TVP23C: variants seen among roughly 807,000 people sequenced by gnomAD.
The protein encoded by TVP23C is Golgi apparatus membrane protein TVP23 homolog C.
Under a neutral mutation model 28.7 loss-of-function variants are expected in TVP23C, and 19 were observed. The observed-to-expected ratio is 0.66, with a 90% CI of 0.46 to 0.97. The LOEUF (loss-of-function observed/expected upper bound fraction) is 0.97. Ranked by LOEUF, TVP23C falls within the 50% of genes least tolerant of loss-of-function variation. The pLI, the probability that TVP23C is intolerant of heterozygous loss-of-function variation, is 0.00. For missense variants in TVP23C, 186 were observed against 241.3 expected (o/e 0.77, Z 1.52); for synonymous variants, 68 against 81.7 (o/e 0.83, Z 0.90).
chr17:15,515,493 G>A (rs1982186939), intron 5 of TVP23C, among the ~76,000 whole-genome samples: 1 of 152,162 alleles, frequency 6.6e-6, no homozygotes, highest in Non-Finnish European at 1.5e-5. Context: ...GCCCAGTTGG[G>A]AGCCTGAGAC....
chr17:15,523,804 G>A (rs927073936), intron 5 of TVP23C, among the ~76,000 whole-genome samples: 25 of 152,024 alleles, frequency 1.6e-4, no homozygotes, highest in African/African-American at 5.5e-4. Flanking sequence ...TAGTAGAGAC[G>A]GGGATTCACC....
At position 15,524,358 on chromosome 17, in the gene TVP23C, A is replaced by T. The variant is rs533521093; in HGVS notation, c.463-21126T>A. Among the ~76,000 whole-genome samples, 11 of 152,252 alleles carry T rather than the reference A, an allele frequency of 7.2e-5. No individual in the cohort carries two copies. In the East Asian group the frequency reaches 2.1e-3, roughly 29 times the overall value. ...ATTAAACAGCCATTGAGCATCTGTC[A>T]CAGATCCAGCTCTGTTCTAGGTACT... On this transcript the variant is annotated intron_variant, in intron 5 of 5. Coordinates refer to the TVP23C transcript ENST00000225576.
At position 15,538,344 on chromosome 17, in the gene TVP23C, A is replaced by C; in HGVS notation, c.*2068T>G. Reference sequence around the variant, plus strand: ...CGTGGCTTACACCTGTAATCCCAGCACTTTGGGAGGCCGAGGAGGGTGGAT... The same window carrying C: ...CGTGGCTTACACCTGTAATCCCAGCCCTTTGGGAGGCCGAGGAGGGTGGAT... On this transcript the variant is annotated 3_prime_UTR_variant, in exon 6 of 6. Transcript: ENST00000518321. 5 of 912,952 alleles carry C rather than the reference A, an allele frequency of 5.5e-6. No homozygotes were observed. Among genetic ancestry groups the C allele is most frequent in the Non-Finnish European group, 6.5e-6 (5 of 764,228 alleles). The allele number at this position is 912,952 out of a possible 1,614,324, so 56.6% of individuals were successfully genotyped here.
At chr17:15,524,063 G>GGGGTGTGTGTGTGT (rs1216462843) in intron 5 of TVP23C, among the ~76,000 whole-genome samples, 2 of 136,350 alleles carry the variant, frequency 1.5e-5, no homozygotes, top group African/African-American at 5.6e-5. Context: ...AGCAGAGTGG[G>GGGGTGTGTGTGTGT]GTGTGTGTGT....
Position 15,537,652 on chromosome 17 carries a change from C to T in TVP23C, c.*2760G>A. The T allele has an allele frequency of 1.0e-6, 1 of 985,384 alleles. No individual in the cohort carries two copies. Among genetic ancestry groups the T allele is most frequent in the Non-Finnish European group, 1.2e-6 (1 of 829,768 alleles). 61.0% of individuals were successfully genotyped at this position (985,384 alleles called of 1,614,324 possible). On this transcript the variant is annotated 3_prime_UTR_variant, in exon 6 of 6. Coordinates refer to ENST00000518321, the MANE Select transcript of TVP23C (RefSeq NM_001135036.2). ...ATTAAAAACTAACAATTATTTCTAA[C>T]TTATACATAAGCCAAAGTGCTCACT...
At chr17:15,503,267 T>TCTAC (rs1316413491) in intron 5 of TVP23C, 1 of 1,451,472 alleles carries the variant, frequency 6.9e-7, no homozygotes, top group Non-Finnish European at 9.0e-7. Context: ...ATTAGCCAGG[T>TCTAC]GTAGTGGCGC....
chr17:15,542,546 A>G (rs770447572), intron 5 of TVP23C, among the ~76,000 whole-genome samples: 5 of 152,014 alleles, frequency 3.3e-5, no homozygotes, highest in Admixed American at 6.6e-5. Flanking sequence ...GCACGATCTC[A>G]GCTCACTGCA....
Position 15,537,958 on chromosome 17 carries a change from G to A in TVP23C, c.*2454C>T. ...CTTTCTAGCCCCAACTGCTGGAAAG[G>A]AAATAAAAACTTAATATGAAAACTA... On this transcript the variant is annotated 3_prime_UTR_variant, in exon 6 of 6. Coordinates refer to ENST00000518321, the MANE Select transcript of TVP23C (RefSeq NM_001135036.2). 1 of 1,451,698 alleles carries A rather than the reference G, an allele frequency of 6.9e-7. No homozygotes were observed. Among genetic ancestry groups the A allele is most frequent in the Non-Finnish European group, 9.1e-7 (1 of 1,104,030 alleles). The allele number at this position is 1,451,698 out of a possible 1,614,324, so 89.9% of individuals were successfully genotyped here. A position where few individuals can be genotyped will look rare whatever the true frequency, so the allele number is the denominator to read the frequency against.
intron 5 of TVP23C, among the ~76,000 whole-genome samples, chr17:15,526,487 A>G (rs2938174): frequency 9.2e-5 from 14 of 152,224 alleles, no homozygotes; most frequent in Non-Finnish European, 1.5e-4. Flanking sequence ...CTGTGTCTAC[A>G]GTACCTGTCT....
At chr17:15,523,997 ACTG>A (rs1982603888) in intron 5 of TVP23C, among the ~76,000 whole-genome samples, 1 of 152,000 alleles carries the variant, frequency 6.6e-6, no homozygotes, top group South Asian at 2.1e-4. Context: ...ACTACAAAAC[ACTG>A]CTGAAGAGAG....
intron 5 of TVP23C, among the ~76,000 whole-genome samples, chr17:15,526,786 A>C (rs1161263489): frequency 6.6e-6 from 1 of 152,242 alleles, no homozygotes; most frequent in Non-Finnish European, 1.5e-5. Flanking sequence ...ATCCTAGAAG[A>C]AATGTTTAAA....
At chr17:15,560,521 TG>T (rs1268996793) in intron 1 of TVP23C, among the ~76,000 whole-genome samples, 1 of 149,506 alleles carries the variant, frequency 6.7e-6, no homozygotes, top group East Asian at 1.9e-4. Context: ...GGAAAAAGAA[TG>T]GAGTGACCAG....
chr17:15,503,140 G>A, exon 6 of TVP23C: 1 of 1,606,964 alleles, frequency 6.2e-7, no homozygotes, highest in Non-Finnish European at 8.5e-7. Flanking sequence ...AGCGGCTCAC[G>A]CCTGTTATCC....
intron 5 of TVP23C, among the ~76,000 whole-genome samples, chr17:15,524,200 G>T (rs1982621760): frequency 6.6e-6 from 1 of 151,790 alleles, no homozygotes; most frequent in Admixed American, 6.6e-5. Context: ...ATGAAAATTA[G>T]CATGACCTTC....
chr17:15,519,272 G>A (rs1024536381), intron 5 of TVP23C, among the ~76,000 whole-genome samples: 2 of 152,078 alleles, frequency 1.3e-5, no homozygotes, highest in Admixed American at 6.6e-5. Flanking sequence ...CATGGTCCCT[G>A]CCTTCAAGAA....
chr17:15,554,538 G>GT (rs1465074150), intron 2 of TVP23C, among the ~76,000 whole-genome samples: 30 of 152,242 alleles, frequency 2.0e-4, no homozygotes, highest in African/African-American at 7.2e-4. Context: ...CGCCCAGCCT[G>GT]TTTCTTGTTT....
At chr17:15,533,652 C>T (rs1383167897), downstream of TVP23C, among the ~76,000 whole-genome samples, 1 of 152,136 alleles carries the variant, frequency 6.6e-6, no homozygotes, top group Non-Finnish European at 1.5e-5. Context: ...CACACTTTTA[C>T]ACAAGAGAGA....
Position 15,518,029 on chromosome 17 carries a change from G to A in TVP23C, c.463-14797C>T, listed in dbSNP as rs541314917. 7.9e-5 allele frequency among the ~76,000 whole-genome samples: 12 copies of A among 152,098 alleles called. No homozygotes were observed. The South Asian group carries it at 2.5e-3, about 32-fold the overall frequency. ...AAAATACAAAAACAATTAGCTGGGC[G>A]TGGTGGCACGCGCCTGTAGTCCCAG... On this transcript the variant is annotated intron_variant, in intron 5 of 5. Transcript: ENST00000225576.
intron 5 of TVP23C, among the ~76,000 whole-genome samples, chr17:15,527,286 T>A (rs552682001): frequency 6.6e-6 from 1 of 152,360 alleles, no homozygotes; most frequent in East Asian, 1.9e-4. Context: ...CCATGAATCA[T>A]TCTTTGCTCT....
Sources: gnomAD v4.1 joint callset for allele counts (sites outside exome capture counted in the v4.1 genomes callset) on GRCh38, gnomAD v4.1.1 for gene constraint, MANE v1.5 for transcripts, NCBI Gene and HGNC (gene_info 2026-07-23, HGNC 2026-07-21) for gene names.